The following TUBGCP3 variants were observed in gnomAD, a reference collection of about 807,000 sequenced individuals.
The protein encoded by TUBGCP3 is gamma-tubulin complex component 3.
Under a neutral mutation model 123.1 loss-of-function variants are expected in TUBGCP3, and 50 were observed. The ratio of observed to expected loss-of-function variants is 0.41; its 90% confidence interval spans 0.32 to 0.51. The LOEUF (loss-of-function observed/expected upper bound fraction) is 0.51, where lower values mean the gene tolerates loss of function less well. Ranked by LOEUF, TUBGCP3 falls within the 20% of genes least tolerant of loss-of-function variation. The pLI, the probability that TUBGCP3 is intolerant of heterozygous loss-of-function variation, is 0.36. For synonymous variants in TUBGCP3, 405 were observed against 413.9 expected (o/e 0.98, Z 0.26); for missense variants, 882 against 1,127.0 (o/e 0.78, Z 3.11).
chr13:112,592,242 C>G (rs142558495), upstream of TUBGCP3, among the ~76,000 whole-genome samples: 2 of 152,324 alleles, frequency 1.3e-5, no homozygotes, highest in East Asian at 3.9e-4. The surrounding 1 kb of genome is among the most constrained non-coding windows in gnomAD (Gnocchi z 4.1). Context: ...AAAGTATGGA[C>G]TTTGATTCAT....
At chr13:112,576,541 G>A (rs1028145004) in intron 1 of TUBGCP3, among the ~76,000 whole-genome samples, 2 of 151,978 alleles carry the variant, frequency 1.3e-5, no homozygotes, top group Admixed American at 6.6e-5. Context: ...GTGAGCTGAC[G>A]AACATATTGA....
At chr13:112,547,159 A>G (rs1339109807) in intron 10 of TUBGCP3, 1 of 333,102 alleles carries the variant, frequency 3.0e-6, no homozygotes, top group Admixed American at 4.8e-5. Flanking sequence ...AGTCACCAAC[A>G]TGGTCCCTGA....
chr13:112,502,153 G>A (rs1383044854), intron 19 of TUBGCP3, among the ~76,000 whole-genome samples: 6 of 152,262 alleles, frequency 3.9e-5, no homozygotes, highest in African/African-American at 1.4e-4. Flanking sequence ...AGCCACTATG[G>A]TCAACATTAT....
At chr13:112,601,895 C>T in the TUBGCP3 span, among the ~76,000 whole-genome samples, 2 of 152,264 alleles carry the variant, frequency 1.3e-5, no homozygotes, top group African/African-American at 4.8e-5. Context: ...GGGGTCCGCA[C>T]TTCCTGCTGT....
upstream of TUBGCP3, among the ~76,000 whole-genome samples, chr13:112,591,840 G>T (rs1474706846): frequency 6.6e-6 from 1 of 152,204 alleles, no homozygotes; most frequent in Non-Finnish European, 1.5e-5. Context: ...CTCAATATCG[G>T]GATGGCATAA....
chr13:112,489,755 G>A, intron 20 of TUBGCP3, 58 bp from the exon 21 acceptor site: 1 of 1,445,274 alleles, frequency 6.9e-7, no homozygotes, highest in South Asian at 1.1e-5. Context: ...AGATTACAGA[G>A]TAGGGCTGAA....
intron 20 of TUBGCP3, among the ~76,000 whole-genome samples, chr13:112,497,971 G>C (rs1880632868): frequency 6.6e-6 from 1 of 152,096 alleles, no homozygotes; most frequent in Non-Finnish European, 1.5e-5. Flanking sequence ...AGCCAAACTT[G>C]CTTAATAAAT....
upstream of TUBGCP3, among the ~76,000 whole-genome samples, chr13:112,591,225 C>T (rs1352682663): frequency 6.6e-6 from 1 of 152,176 alleles, no homozygotes; most frequent in East Asian, 1.9e-4. Flanking sequence ...GGATACCTGC[C>T]ACCCATGCAA....
At position 112,588,066 on chromosome 13, in the gene TUBGCP3, G is replaced by A; in HGVS notation, c.-86C>T. On this transcript the variant is annotated 5_prime_UTR_variant, in exon 1 of 22. Transcript: ENST00000261965. ...GGACCGCGGCCCGCGCCCTTCCTGC[G>A]CCCCGCAAGCTCCCTGCTCCTGACA... is the stretch of plus-strand genomic sequence containing the variant. 8.6e-7 allele frequency: 1 copy of A among 1,158,996 alleles called. No homozygotes were observed. The highest frequency in any genetic ancestry group is 1.1e-6 in the Non-Finnish European group (1 of 885,708). The allele number at this position is 1,158,996 out of a possible 1,614,324, so 71.8% of individuals were successfully genotyped here. A position where few individuals can be genotyped will look rare whatever the true frequency, so the allele number is the denominator to read the frequency against.
chr13:112,555,979 G>C, intron 6 of TUBGCP3, 73 bp downstream of exon 6: 1 of 1,517,410 alleles, frequency 6.6e-7, no homozygotes, highest in African/African-American at 1.4e-5. Context: ...CTCCTGGGCT[G>C]TACTTTAAAA....
intron 11 of TUBGCP3, among the ~76,000 whole-genome samples, chr13:112,536,330 G>A (rs947819104): frequency 2.6e-5 from 4 of 152,184 alleles, no homozygotes; most frequent in Non-Finnish European, 5.9e-5. Flanking sequence ...CGTGTTGGGG[G>A]AGTACTGCCA....
rs534689848 is a variant in TUBGCP3, at chr13:112,499,049, A to G, written c.2444T>C (p.Ile815Thr). 4.6e-5 allele frequency: 74 copies of G among 1,614,134 alleles called. No homozygotes were observed. The highest frequency in any genetic ancestry group is 1.3e-4 in the East Asian group (6 of 44,884). Reference sequence around the variant, plus strand: ...TCACAAGTGTAAAGACCATACCTCAATTTCACGCTGTTTCTTTTTCTCTTC... The same window carrying G: ...TCACAAGTGTAAAGACCATACCTCAGTTTCACGCTGTTTCTTTTTCTCTTC... ...QFEEKKKQRE[I>T]EGQWGVTAAE... The change falls in exon 20 of 22, where the codon ATT (isoleucine) becomes ACT (threonine). Residue 815 changes from isoleucine (I) to threonine (T), a missense_variant. Ile to Thr is a moderately conservative substitution (Grantham distance 89). Around this residue, in one of 3 missense-constraint regions of TUBGCP3, gnomAD observed 160 missense variants for 220.3 expected, o/e 0.73. Transcript: ENST00000261965.
chr13:112,570,656 G>C (rs545804266), intron 1 of TUBGCP3, among the ~76,000 whole-genome samples: 1 of 152,164 alleles, frequency 6.6e-6, no homozygotes, highest in Admixed American at 6.5e-5. Flanking sequence ...GGTTGCTGAA[G>C]GCTGTGGCAA....
intron 11 of TUBGCP3, chr13:112,544,449 T>C (rs1298508047): frequency 1.1e-5 from 1 of 90,978 alleles, no homozygotes; most frequent in Non-Finnish European, 2.1e-5. Context: ...CGAGACTCTG[T>C]CTCAAAAAAA....
chr13:112,500,530 G>A (rs1022759064), intron 19 of TUBGCP3, among the ~76,000 whole-genome samples: 1 of 152,116 alleles, frequency 6.6e-6, no homozygotes, highest in African/African-American at 2.4e-5. Flanking sequence ...ATTAGAGATC[G>A]AAATAACAAA....
chr13:112,486,626 G>A (rs866918749), intron 21 of TUBGCP3, among the ~76,000 whole-genome samples: 5 of 152,226 alleles, frequency 3.3e-5, no homozygotes, highest in East Asian at 1.9e-4. Flanking sequence ...GCTGCTGGAC[G>A]TGAGGCTGCA....
intron 17 of TUBGCP3, 25 bp downstream of exon 17, chr13:112,516,415 A>C: frequency 1.9e-6 from 3 of 1,570,350 alleles, no homozygotes; most frequent in Middle Eastern, 2.2e-4. Flanking sequence ...GTGTGTGCGG[A>C]CCCGTGACCG....
intron 3 of TUBGCP3, among the ~76,000 whole-genome samples, chr13:112,564,615 A>G (rs1302409192): frequency 6.6e-6 from 1 of 152,190 alleles, no homozygotes; most frequent in Non-Finnish European, 1.5e-5. Context: ...CAGGAGTTTG[A>G]GACCAGCCTG....
chr13:112,586,404 G>GT (rs992152620), intron 1 of TUBGCP3, among the ~76,000 whole-genome samples: 1 of 152,122 alleles, frequency 6.6e-6, no homozygotes, highest in Non-Finnish European at 1.5e-5. Context: ...ATTAAGGTGG[G>GT]TAAGTCCTAA....
Sources: gnomAD v4.1 joint callset for allele counts (sites outside exome capture counted in the v4.1 genomes callset) on GRCh38, gnomAD v4.1.1 for gene constraint, gnomAD v4.1.1 regional missense constraint, Gnocchi (gnomAD v3.1) non-coding constraint, MANE v1.5 for transcripts, NCBI Gene and HGNC (gene_info 2026-07-23, HGNC 2026-07-21) for gene names.